Variants in PRDM16 observed in about 807,000 individuals in gnomAD.
PRDM16 encodes PR/SET domain 16.
In PRDM16, 23 loss-of-function variants were observed where a neutral mutation model predicts 110.6. That is an observed-to-expected ratio of 0.21 (90% CI 0.15 to 0.29). The LOEUF is 0.29. PRDM16 is among the 10% of genes least tolerant of loss of function. The pLI is 1.00. For synonymous variants in PRDM16, 799 were observed against 781.8 expected (o/e 1.02, Z -0.37); for missense variants, 1,615 against 1,794.3 (o/e 0.90, Z 1.81).
intron 3 of PRDM16, among the ~76,000 whole-genome samples, chr1:3,288,014 G>A (rs773240590): frequency 2.6e-5 from 4 of 152,262 alleles, no homozygotes; most frequent in Non-Finnish European, 5.9e-5. Context: ...TCAGGGGTGG[G>A]CGGAGGCCCT....
In PRDM16 at chr1:3,165,735, T is replaced by C. The variant is rs376148190; in HGVS notation, c.38-20390T>C. Reference sequence around the variant, plus strand: ...CTCAGGGACAGTGACTCACCTGGGCTCAGGGACAGTGACTCACCTGGGCCC... The same window carrying C: ...CTCAGGGACAGTGACTCACCTGGGCCCAGGGACAGTGACTCACCTGGGCCC... On this transcript the variant is annotated intron_variant, in intron 1 of 16. Coordinates refer to ENST00000270722, the MANE Select transcript of PRDM16 (RefSeq NM_022114.4). Among the ~76,000 whole-genome samples the C allele has an allele frequency of 4.3e-3, 294 of 67,898 alleles. 19 individuals are homozygous for C. Among genetic ancestry groups the C allele is most frequent in the East Asian group, 0.021 (30 of 1,424 alleles). The allele number at this position is 67,898 out of a possible 152,430, so 44.5% of individuals were successfully genotyped here. A position where few individuals can be genotyped will look rare whatever the true frequency, so the allele number is the denominator to read the frequency against.
chr1:3,086,731 T>G (rs1214645106), intron 1 of PRDM16, among the ~76,000 whole-genome samples: 1 of 152,198 alleles, frequency 6.6e-6, no homozygotes, highest in Non-Finnish European at 1.5e-5. Flanking sequence ...CTTTCGGAGC[T>G]AACGAGTGGT....
chr1:3,395,642 G>T (rs1643374453), intron 4 of PRDM16, among the ~76,000 whole-genome samples: 2 of 152,180 alleles, frequency 1.3e-5, no homozygotes, highest in South Asian at 4.1e-4. Context: ...TGGCGGCATG[G>T]CCCGTGCCCT....
intron 1 of PRDM16, among the ~76,000 whole-genome samples, chr1:3,121,983 G>A (rs1382818568): frequency 1.3e-5 from 2 of 152,252 alleles, no homozygotes; most frequent in East Asian, 3.8e-4. Context: ...AGAGTGGCAG[G>A]CGCGGGCGGT....
At chr1:3,430,640 C>T (rs1380911705) in intron 14 of PRDM16, among the ~76,000 whole-genome samples, 1 of 152,222 alleles carries the variant, frequency 6.6e-6, no homozygotes, top group African/African-American at 2.4e-5. Context: ...TTGCCCTGCC[C>T]CCACCGCCCC....
intron 2 of PRDM16, among the ~76,000 whole-genome samples, chr1:3,242,449 A>G (rs1226718638): frequency 6.6e-6 from 1 of 152,092 alleles, no homozygotes. Context: ...CATCCCTTTC[A>G]CCAGACCTGG....
chr1:3,235,246 G>A (rs115462968), intron 2 of PRDM16, among the ~76,000 whole-genome samples: 2,780 of 152,318 alleles, frequency 0.018, 44 homozygotes, highest in Middle Eastern at 0.027. Context: ...AAACAGCCTC[G>A]CAGAACTTTC....
intron 3 of PRDM16, among the ~76,000 whole-genome samples, chr1:3,299,025 G>A (rs573340234): frequency 2.0e-5 from 3 of 152,302 alleles, no homozygotes; most frequent in Admixed American, 6.5e-5. Flanking sequence ...TTTTGTCCTC[G>A]GACCAGCACT....
chr1:3,271,058 C>T (rs934835999), intron 3 of PRDM16, among the ~76,000 whole-genome samples: 4 of 152,192 alleles, frequency 2.6e-5, no homozygotes, highest in Non-Finnish European at 5.9e-5. Context: ...CCAGTCCCGG[C>T]TGTGGCCGGC....
intron 1 of PRDM16, among the ~76,000 whole-genome samples, chr1:3,165,264 G>A (rs1557495486): frequency 7.1e-6 from 1 of 140,316 alleles, no homozygotes; most frequent in Non-Finnish European, 1.6e-5. Context: ...CTCAGGGACA[G>A]GGATGCACTT....
chr1:3,341,295 G>A (rs551207546), intron 3 of PRDM16, among the ~76,000 whole-genome samples: 3 of 152,226 alleles, frequency 2.0e-5, no homozygotes, highest in South Asian at 2.1e-4. Context: ...AGGTCTCAGA[G>A]GGAGTGACCA....
intron 1 of PRDM16, among the ~76,000 whole-genome samples, chr1:3,152,392 C>T (rs879651914): frequency 0.073 from 8,979 of 123,478 alleles, 761 homozygotes; most frequent in East Asian, 0.3. Flanking sequence ...ATTTATCCAT[C>T]CATCCATCCA....
chr1:3,381,284 C>T (rs1161252597), intron 3 of PRDM16, among the ~76,000 whole-genome samples: 1 of 152,026 alleles, frequency 6.6e-6, no homozygotes, highest in East Asian at 1.9e-4. Context: ...GCCTGGATGG[C>T]GAGGGGCTTG....
chr1:3,143,897 G>C lies in PRDM16; in HGVS notation c.38-42228G>C, dbSNP rs1034240067. 6.6e-6 allele frequency among the ~76,000 whole-genome samples: 1 copy of C among 152,212 alleles called. No individual in the cohort carries two copies. The highest frequency in any genetic ancestry group is 1.5e-5 in the Non-Finnish European group (1 of 68,046). ...GGAGGAGGAGGGACTGGCAAGCTTG[G>C]GGTTCCTGGGGCATCTTGTCATGTG... On this transcript the variant is annotated intron_variant, in intron 1 of 16. Transcript: ENST00000270722. This position sits in a 1 kb window ranked among gnomAD's most constrained non-coding sequence, Gnocchi z 4.5.
chr1:3,295,643 C>T (rs1458098640), intron 3 of PRDM16, among the ~76,000 whole-genome samples: 1 of 152,208 alleles, frequency 6.6e-6, no homozygotes, highest in Non-Finnish European at 1.5e-5. Flanking sequence ...GCAGACTTGA[C>T]CGCCAGGCTC....
intron 8 of PRDM16, 103 bp from the exon 9 acceptor site, chr1:3,411,281 G>C: frequency 8.0e-7 from 1 of 1,249,778 alleles, no homozygotes; most frequent in South Asian, 1.4e-5. Context: ...CCCCAGCCTC[G>C]CCCCTCCAGC....
intron 3 of PRDM16, among the ~76,000 whole-genome samples, chr1:3,363,568 G>A (rs1052245808): frequency 2.6e-5 from 4 of 152,146 alleles, no homozygotes; most frequent in African/African-American, 9.7e-5. Context: ...ATCCATGGGT[G>A]TCTTCCTTTG....
At chr1:3,326,960 G>A (rs1641926584) in intron 3 of PRDM16, among the ~76,000 whole-genome samples, 2 of 152,208 alleles carry the variant, frequency 1.3e-5, no homozygotes, top group Admixed American at 6.5e-5. Flanking sequence ...TGGCTGTGAG[G>A]GCCCCCAGAC....
At position 3,412,224 on chromosome 1, in the gene PRDM16, C is replaced by T. The variant is rs1163688177; in HGVS notation, c.2027C>T (p.Pro676Leu). ...TTCTATTCCCAGCACTCATTCTTCC[C>T]GCCACCCGACGAGCAGCTGCTGACT... The part of the protein sequence containing the change: ...PVFYSQHSFF[P>L]PPDEQLLTAT... The change falls in exon 9 of 17, where the codon CCG becomes CTG. Residue 676 changes from proline to leucine, a missense_variant. Around this residue, in one of 5 missense-constraint regions of PRDM16, gnomAD observed 772 missense variants for 748.3 expected, o/e 1.03. Transcript: ENST00000270722. The T allele has an allele frequency of 6.2e-6, 10 of 1,607,846 alleles. No homozygotes were observed. The highest frequency in any genetic ancestry group is 2.7e-5 in the African/African-American group (2 of 74,964).
Sources: gnomAD v4.1 joint callset for allele counts (sites outside exome capture counted in the v4.1 genomes callset) on GRCh38, gnomAD v4.1.1 for gene constraint, gnomAD v4.1.1 regional missense constraint, Gnocchi (gnomAD v3.1) non-coding constraint, MANE v1.5 for transcripts, NCBI Gene and HGNC (gene_info 2026-07-23, HGNC 2026-07-21) for gene names.